Variants in KCNQ5 observed in about 807,000 individuals in gnomAD.
KCNQ5 encodes the protein potassium voltage-gated channel subfamily KQT member 5.
In KCNQ5, 30 loss-of-function variants were observed where a neutral mutation model predicts 98.2. The observed-to-expected ratio is 0.31, with a 90% CI of 0.23 to 0.41. KCNQ5 has a LOEUF of 0.41. Ranked by LOEUF, KCNQ5 falls within the 10% of genes least tolerant of loss-of-function variation. The pLI is 1.00. For missense variants in KCNQ5, 835 were observed against 1,182.5 expected (o/e 0.71, Z 4.31); for synonymous variants, 458 against 449.4 (o/e 1.02, Z -0.24).
At chr6:72,729,781 T>C (rs771651694) in intron 1 of KCNQ5, among the ~76,000 whole-genome samples, 20 of 152,126 alleles carry the variant, frequency 1.3e-4, no homozygotes, top group Non-Finnish European at 5.9e-5. Flanking sequence ...TTTCAGGTAT[T>C]AGAGAAGTTT....
chr6:73,024,934 T>C (rs1770805272), intron 2 of KCNQ5, among the ~76,000 whole-genome samples: 1 of 152,302 alleles, frequency 6.6e-6, no homozygotes, highest in Non-Finnish European at 1.5e-5. Context: ...AATTAAGTAA[T>C]AGTATCAATT....
At chr6:72,878,984 C>CATA (rs1778529279) in intron 1 of KCNQ5, among the ~76,000 whole-genome samples, 1 of 152,076 alleles carries the variant, frequency 6.6e-6, no homozygotes, top group Non-Finnish European at 1.5e-5. Flanking sequence ...ATGTTATAGT[C>CATA]ATATTTTGGA....
At chr6:72,703,182 C>T (rs1002248604) in intron 1 of KCNQ5, among the ~76,000 whole-genome samples, 4 of 152,192 alleles carry the variant, frequency 2.6e-5, no homozygotes, top group Non-Finnish European at 4.4e-5. Context: ...TCTACTCTGC[C>T]CTTGAGATTC....
chr6:73,057,964 A>G (rs1298619417), intron 3 of KCNQ5, among the ~76,000 whole-genome samples: 2 of 152,216 alleles, frequency 1.3e-5, no homozygotes, highest in East Asian at 1.9e-4. Context: ...TTGATCTTAA[A>G]CAAACCTAAC....
intron 1 of KCNQ5, among the ~76,000 whole-genome samples, chr6:72,866,252 CTTTTT>C (rs34839143): frequency 1.8e-5 from 2 of 113,768 alleles, no homozygotes; most frequent in Admixed American, 1.9e-4. Context: ...CGCCATCTCC[CTTTTT>C]TTTTTTTTTT....
At chr6:72,708,151 C>T (rs911575983) in intron 1 of KCNQ5, among the ~76,000 whole-genome samples, 1 of 152,156 alleles carries the variant, frequency 6.6e-6, no homozygotes, top group Non-Finnish European at 1.5e-5. Flanking sequence ...ATCATATGAC[C>T]TCCTACAATA....
intron 1 of KCNQ5, among the ~76,000 whole-genome samples, chr6:72,643,586 A>G (rs898155358): frequency 6.6e-6 from 1 of 152,142 alleles, no homozygotes; most frequent in Non-Finnish European, 1.5e-5. Context: ...GGAGCATTTC[A>G]GATTTTGGAT....
chr6:72,988,579 C>T (rs1188434374), intron 1 of KCNQ5, among the ~76,000 whole-genome samples: 1 of 151,626 alleles, frequency 6.6e-6, no homozygotes, highest in Non-Finnish European at 1.5e-5. Flanking sequence ...GAGTGTAATA[C>T]CCATGTAACA....
intron 1 of KCNQ5, among the ~76,000 whole-genome samples, chr6:72,644,195 A>G (rs943736541): frequency 3.9e-5 from 6 of 152,224 alleles, no homozygotes; most frequent in Non-Finnish European, 8.8e-5. Context: ...GTTAGGTCCT[A>G]TGAGCCTTTG....
intron 1 of KCNQ5, chr6:72,986,767 G>C: frequency 6.8e-7 from 1 of 1,480,254 alleles, no homozygotes; most frequent in Non-Finnish European, 9.4e-7. Flanking sequence ...ACCCCAGACA[G>C]GGTGAAGAGG....
At chr6:73,111,207 C>G in intron 6 of KCNQ5, 101 bp from the exon 7 acceptor site, 1 of 769,342 alleles carries the variant, frequency 1.3e-6, no homozygotes, top group South Asian at 1.5e-5. Context: ...GGTTACATAC[C>G]GTTTGTCTTC....
chr6:73,134,883 A>G (rs1420990704), intron 10 of KCNQ5: 1 of 152,306 alleles, frequency 6.6e-6, no homozygotes, highest in Non-Finnish European at 1.5e-5. Flanking sequence ...CTTGTGGCAC[A>G]GCTTTTCAGT....
At chr6:72,668,494 G>A (rs902663149) in intron 1 of KCNQ5, among the ~76,000 whole-genome samples, 1 of 152,042 alleles carries the variant, frequency 6.6e-6, no homozygotes, top group African/African-American at 2.4e-5. Flanking sequence ...GGGTGAGGTG[G>A]TAGATTTAGA....
intron 3 of KCNQ5, among the ~76,000 whole-genome samples, chr6:73,064,742 C>T (rs1445138947): frequency 6.6e-6 from 1 of 152,072 alleles, no homozygotes; most frequent in Non-Finnish European, 1.5e-5. Flanking sequence ...TGCCCTAAAC[C>T]ATGTTCTAAA....
intron 1 of KCNQ5, among the ~76,000 whole-genome samples, chr6:72,652,623 A>G (rs988085024): frequency 2.0e-5 from 3 of 152,050 alleles, no homozygotes; most frequent in Non-Finnish European, 2.9e-5. Flanking sequence ...TTTCTGATCC[A>G]TATCACAGCC....
rs971001604 is a variant in KCNQ5, at chr6:72,838,080, G to T, written c.399-165828G>T. Among the ~76,000 whole-genome samples the T allele has an allele frequency of 5.0e-4, 75 of 149,970 alleles. 1 individual carries two copies. Among genetic ancestry groups the T allele is most frequent in the Admixed American group, 7.9e-4 (12 of 15,096 alleles). On this transcript the variant is annotated intron_variant, in intron 1 of 13. Coordinates refer to ENST00000370398, the MANE Select transcript of KCNQ5 (RefSeq NM_019842.4). Reference sequence around the variant, plus strand: ...AACTCTTCATTTAACATTAGGTATAGCTCCTAATGCTATCCCTCCCCCCTC... The same window carrying T: ...AACTCTTCATTTAACATTAGGTATATCTCCTAATGCTATCCCTCCCCCCTC...
intron 1 of KCNQ5, among the ~76,000 whole-genome samples, chr6:72,641,984 A>G (rs2098927435): frequency 6.6e-6 from 1 of 151,518 alleles, no homozygotes; most frequent in Non-Finnish European, 1.5e-5. Flanking sequence ...CTTTTCTCTC[A>G]GTTTTCTTAA....
intron 1 of KCNQ5, among the ~76,000 whole-genome samples, chr6:72,867,030 A>G (rs987311083): frequency 6.6e-6 from 1 of 152,194 alleles, no homozygotes; most frequent in Non-Finnish European, 1.5e-5. Flanking sequence ...ATATAGGCAT[A>G]TATTGGATAT....
intron 11 of KCNQ5, among the ~76,000 whole-genome samples, chr6:73,187,722 TTAGC>T (rs1354361512): frequency 6.6e-6 from 1 of 152,216 alleles, no homozygotes; most frequent in Non-Finnish European, 1.5e-5. Context: ...AATTTTAACT[TTAGC>T]TAGCTAGCTC....
Sources: gnomAD v4.1 joint callset for allele counts (sites outside exome capture counted in the v4.1 genomes callset) on GRCh38, gnomAD v4.1.1 for gene constraint, MANE v1.5 for transcripts, NCBI Gene and HGNC (gene_info 2026-07-23, HGNC 2026-07-21) for gene names.